The following GRID1 variants were observed in gnomAD, a reference collection of about 807,000 sequenced individuals.
GRID1 encodes the protein glutamate receptor ionotropic, delta-1.
GRID1 carries 28 observed loss-of-function variants against 98.0 expected under a neutral mutation model. The ratio of observed to expected loss-of-function variants is 0.29; its 90% CI spans 0.21 to 0.39. The LOEUF is 0.39. Ranked by LOEUF, GRID1 falls within the 10% of genes least tolerant of loss-of-function variation. GRID1 has a pLI of 1.00. For missense variants in GRID1, 1,111 were observed against 1,340.5 expected (o/e 0.83, Z 2.67); for synonymous variants, 553 against 538.5 (o/e 1.03, Z -0.37).
intron 3 of GRID1, among the ~76,000 whole-genome samples, chr10:86,158,553 C>T (rs1231449150): frequency 6.6e-6 from 1 of 152,168 alleles, no homozygotes; most frequent in Non-Finnish European, 1.5e-5. Context: ...GGCTCCCAGA[C>T]CAAAACAAGC....
intron 3 of GRID1, among the ~76,000 whole-genome samples, chr10:86,144,914 C>A (rs1179261649): frequency 1.3e-5 from 2 of 152,174 alleles, no homozygotes; most frequent in African/African-American, 2.4e-5. Flanking sequence ...GTTCCACTCT[C>A]CCTTCTCAGG....
At chr10:86,153,023 G>T (rs1369994446) in intron 3 of GRID1, among the ~76,000 whole-genome samples, 1 of 152,222 alleles carries the variant, frequency 6.6e-6, no homozygotes, top group Non-Finnish European at 1.5e-5. Flanking sequence ...TGAAGCCACA[G>T]CAAGGGGCCC....
intron 6 of GRID1, among the ~76,000 whole-genome samples, chr10:85,861,117 A>G (rs565886915): frequency 6.6e-6 from 1 of 152,334 alleles, no homozygotes; most frequent in African/African-American, 2.4e-5. Flanking sequence ...TGGGGTCAGC[A>G]CCAGTCTGGA....
chr10:86,004,749 C>CACACACACACACACAA (rs10528713), intron 4 of GRID1, among the ~76,000 whole-genome samples: 1 of 151,362 alleles, frequency 6.6e-6, no homozygotes, highest in Non-Finnish European at 1.5e-5. Flanking sequence ...CTCACACACA[C>CACACACACACACACAA]ACACACACAG....
chr10:85,970,414 T>A (rs1172149607), intron 4 of GRID1, among the ~76,000 whole-genome samples: 1 of 151,620 alleles, frequency 6.6e-6, no homozygotes, highest in Admixed American at 6.6e-5. Flanking sequence ...GCACAAAAAA[T>A]TTCAACAAAA....
chr10:86,211,649 T>G (rs565757097), intron 2 of GRID1, among the ~76,000 whole-genome samples: 1 of 152,160 alleles, frequency 6.6e-6, no homozygotes, highest in East Asian at 1.9e-4. Flanking sequence ...TACTGGCCAC[T>G]TCACAGAACA....
chr10:86,175,713 AT>A lies in GRID1; in HGVS notation c.520+30650del, dbSNP rs113330156. Among the ~76,000 whole-genome samples the A allele has an allele frequency of 4.7e-3, 684 of 145,546 alleles. 1 individual carries two copies. The highest frequency in any genetic ancestry group is 0.011 in the African/African-American group (450 of 40,026). On this transcript the variant is annotated intron_variant, in intron 3 of 15. Transcript: ENST00000327946. ...ATTCACTTAGGGGGAATGAGTCACT[AT>A]TTTTTTTTTTTTGAGACAGAGTTTC...
intron 2 of GRID1, among the ~76,000 whole-genome samples, chr10:86,349,129 G>T (rs1264453892): frequency 6.6e-6 from 1 of 152,188 alleles, no homozygotes; most frequent in Non-Finnish European, 1.5e-5. Context: ...CGGCTGTCAG[G>T]CTCACTGCCC....
intron 8 of GRID1, among the ~76,000 whole-genome samples, chr10:85,850,562 C>T (rs1843048777): frequency 6.6e-6 from 1 of 152,202 alleles, no homozygotes; most frequent in South Asian, 2.1e-4. Flanking sequence ...GAGGGAGCCT[C>T]CCATCTCTGG....
chr10:85,658,571 T>C lies in GRID1; in HGVS notation c.1998-11174A>G, dbSNP rs561544929. On this transcript the variant is annotated intron_variant, in intron 12 of 15. Coordinates refer to ENST00000327946, the MANE Select transcript of GRID1 (RefSeq NM_017551.3). ...ATGGTGATATTAAGTAGCTCATAGC[T>C]AAGTGAGGAGGGCGAACAGGCACAT... Among the ~76,000 whole-genome samples, 11 of 152,272 alleles carry C rather than the reference T, an allele frequency of 7.2e-5. No individual in the cohort carries two copies. In the South Asian group the frequency reaches 2.1e-3, roughly 29 times the overall value.
intron 8 of GRID1, among the ~76,000 whole-genome samples, chr10:85,818,479 AC>A (rs1842735134): frequency 6.6e-6 from 1 of 152,228 alleles, no homozygotes; most frequent in Admixed American, 6.5e-5. Context: ...TACATTAATC[AC>A]CCATATTTTA....
intron 4 of GRID1, among the ~76,000 whole-genome samples, chr10:86,086,200 T>C (rs992788773): frequency 2.6e-5 from 4 of 152,088 alleles, no homozygotes; most frequent in Non-Finnish European, 5.9e-5. Flanking sequence ...CCCTCCACAA[T>C]TGTCTGCTCC....
chr10:85,749,883 C>T (rs1399045634), intron 8 of GRID1, among the ~76,000 whole-genome samples: 2 of 152,214 alleles, frequency 1.3e-5, no homozygotes, highest in African/African-American at 4.8e-5. Context: ...CTAAGTCCTT[C>T]TCTGTCCTGT....
chr10:86,229,062 T>A (rs1481696103), intron 2 of GRID1, among the ~76,000 whole-genome samples: 1 of 152,112 alleles, frequency 6.6e-6, no homozygotes, highest in Non-Finnish European at 1.5e-5. Context: ...GCCCTCCGAA[T>A]AGGGACTGCT....
intron 4 of GRID1, among the ~76,000 whole-genome samples, chr10:86,033,116 T>C (rs2131894168): frequency 6.6e-6 from 1 of 152,146 alleles, no homozygotes; most frequent in African/African-American, 2.4e-5. Flanking sequence ...CCACCCAGCT[T>C]TGTGGCCTTT....
intron 12 of GRID1, among the ~76,000 whole-genome samples, chr10:85,715,263 G>C (rs1841625662): frequency 6.6e-6 from 1 of 152,104 alleles, no homozygotes. Flanking sequence ...TTAAATGTAA[G>C]AGCTGAAGCT....
intron 8 of GRID1, among the ~76,000 whole-genome samples, chr10:85,815,492 A>G (rs1842708995): frequency 6.6e-6 from 1 of 152,080 alleles, no homozygotes; most frequent in Admixed American, 6.6e-5. Context: ...TCTATGTAGA[A>G]AAAACTAAAC....
intron 4 of GRID1, among the ~76,000 whole-genome samples, chr10:86,049,509 G>A (rs1843470273): frequency 6.6e-6 from 1 of 152,228 alleles, no homozygotes; most frequent in Non-Finnish European, 1.5e-5. Context: ...GAACTAGAAA[G>A]CAAGTCCGGC....
intron 13 of GRID1, among the ~76,000 whole-genome samples, chr10:85,629,981 A>T (rs1316372292): frequency 6.6e-6 from 1 of 152,052 alleles, no homozygotes; most frequent in African/African-American, 2.4e-5. Context: ...CATTTTTTTC[A>T]TATGCTTGTT....
Sources: gnomAD v4.1 joint callset for allele counts (sites outside exome capture counted in the v4.1 genomes callset) on GRCh38, gnomAD v4.1.1 for gene constraint, MANE v1.5 for transcripts, NCBI Gene and HGNC (gene_info 2026-07-23, HGNC 2026-07-21) for gene names.